The following DEPDC1B variants were observed in gnomAD, a reference collection of about 807,000 sequenced individuals.
DEPDC1B encodes the protein DEP domain containing 1B.
DEPDC1B carries 51 observed loss-of-function variants against 66.5 expected under a neutral mutation model. The observed-to-expected ratio is 0.77, with a 90% confidence interval of 0.61 to 0.97. The LOEUF is 0.97. Among genes scored for constraint, DEPDC1B ranks in the 50% least tolerant of loss-of-function variants. The pLI is 0.00. For missense variants in DEPDC1B, 552 were observed against 637.1 expected, an observed-to-expected ratio of 0.87 and a Z score of 1.44; for synonymous variants, 226 against 223.6, an observed-to-expected ratio of 1.01 and a Z score of -0.10.
At chr5:60,612,303 G>A (rs530078173) in intron 7 of DEPDC1B, among the ~76,000 whole-genome samples, 130 of 151,576 alleles carry the variant, frequency 8.6e-4, no homozygotes, top group African/African-American at 3.0e-3. Flanking sequence ...TGTGCCTGTC[G>A]TCCCAGCTAT....
At position 60,687,209 on chromosome 5, in the gene DEPDC1B, G is replaced by C. The variant is rs150157179; in HGVS notation, c.67C>G (p.Leu23Val). 956 of 1,611,512 alleles carry C rather than the reference G, an allele frequency of 5.9e-4. No individual in the cohort carries two copies. Among genetic ancestry groups the C allele is most frequent in the Non-Finnish European group, 7.7e-4 (907 of 1,177,828 alleles). The change falls in exon 2 of 11, where the codon CTT (leucine) becomes GTT (valine). Residue 23 changes from leucine (L) to valine (V), a missense_variant. Leu to Val is a conservative substitution (Grantham distance 32, BLOSUM62 1). Coordinates refer to ENST00000265036, the MANE Select transcript of DEPDC1B (RefSeq NM_018369.3). ...CGTAACGGCATCTTAGCACGAAAAAGCTCCACGGTCTCATTCCACTAGGGG... is the reference window on the plus strand; with the variant it reads ...CGTAACGGCATCTTAGCACGAAAAACCTCCACGGTCTCATTCCACTAGGGG... ...ATRLWNETVE[L>V]FRAKMPLRKH...
intron 7 of DEPDC1B, among the ~76,000 whole-genome samples, chr5:60,635,756 G>A (rs548300625): frequency 4.6e-5 from 7 of 152,058 alleles, no homozygotes; most frequent in African/African-American, 1.7e-4. Context: ...TCAAGCCCAG[G>A]GCTGCCAGAT....
At chr5:60,672,943 A>G (rs1307746460) in intron 2 of DEPDC1B, among the ~76,000 whole-genome samples, 1 of 152,204 alleles carries the variant, frequency 6.6e-6, no homozygotes, top group Non-Finnish European at 1.5e-5. Flanking sequence ...ACTCCTTCAC[A>G]GTAAGAAAGG....
At chr5:60,637,387 C>G (rs1753067802) in intron 7 of DEPDC1B, among the ~76,000 whole-genome samples, 3 of 152,160 alleles carry the variant, frequency 2.0e-5, no homozygotes, top group Admixed American at 6.5e-5. Context: ...ATGTAAGATG[C>G]CTGCTCCCGT....
At chr5:60,634,675 AAAATAAAT>A (rs57970296) in intron 7 of DEPDC1B, among the ~76,000 whole-genome samples, 2 of 146,456 alleles carry the variant, frequency 1.4e-5, no homozygotes, top group South Asian at 2.1e-4. Flanking sequence ...CTGTCTCAAA[AAAATAAAT>A]AAATAAATAA....
chr5:60,633,336 C>T (rs1475777173), intron 7 of DEPDC1B, among the ~76,000 whole-genome samples: 1 of 152,190 alleles, frequency 6.6e-6, no homozygotes, highest in Non-Finnish European at 1.5e-5. Flanking sequence ...ACTCTGGTGA[C>T]TTCCTCTGGC....
intron 8 of DEPDC1B, among the ~76,000 whole-genome samples, chr5:60,604,215 A>ATTTTTTTTTTT (rs1323826916): frequency 0.013 from 745 of 59,386 alleles, 4 homozygotes; most frequent in Non-Finnish European, 0.023. Flanking sequence ...GAAATTAACT[A>ATTTTTTTTTTT]TTCTTTTTTT....
chr5:60,601,240 A>G (rs1321575187), intron 9 of DEPDC1B, among the ~76,000 whole-genome samples: 1 of 152,202 alleles, frequency 6.6e-6, no homozygotes, highest in Non-Finnish European at 1.5e-5. Context: ...CCTTGCAGAA[A>G]CTTGGTGAAG....
At chr5:60,677,535 T>C (rs1280138504) in intron 2 of DEPDC1B, among the ~76,000 whole-genome samples, 1 of 152,078 alleles carries the variant, frequency 6.6e-6, no homozygotes, top group Non-Finnish European at 1.5e-5. Context: ...TTTTTCTTTT[T>C]TATTTTTTCT....
intron 1 of DEPDC1B, among the ~76,000 whole-genome samples, chr5:60,696,425 G>C (rs902723901): frequency 1.3e-5 from 2 of 152,018 alleles, no homozygotes; most frequent in African/African-American, 4.8e-5. Context: ...AAATACTTTA[G>C]ATTTTTTAAA....
chr5:60,700,078 C>T lies in DEPDC1B; in HGVS notation c.16G>A (p.Val6Met), dbSNP rs767068710. 4 of 1,557,346 alleles carry T rather than the reference C, an allele frequency of 2.6e-6. No individual in the cohort carries two copies. In the South Asian group the frequency reaches 3.5e-5, roughly 14 times the overall value. The stretch of plus-strand genomic sequence containing the variant: ...GTAGCTCGGTACGGCCCGGGCCCCA[C>T]GATGCGATGCTCCATGGCGCGTAGG... MEHRIVGPGPYRATRL... is the reference protein window; with the variant it reads MEHRIMGPGPYRATRL... Residue 6 changes from valine (V) to methionine (M), a missense_variant, in exon 1 of 11, where the codon GTG becomes ATG. Physicochemically the swap from Val to Met is conservative, Grantham distance 21. Coordinates refer to ENST00000265036, the MANE Select transcript of DEPDC1B (RefSeq NM_018369.3).
At chr5:60,644,685 T>G (rs1396015562) in intron 5 of DEPDC1B, 60 bp downstream of exon 5, 3 of 1,436,102 alleles carry the variant, frequency 2.1e-6, no homozygotes, top group Admixed American at 2.3e-5. Flanking sequence ...AAGGAGCTGA[T>G]GGACCTGTGC....
chr5:60,633,178 T>C (rs758932364), intron 7 of DEPDC1B, among the ~76,000 whole-genome samples: 12 of 152,214 alleles, frequency 7.9e-5, no homozygotes, highest in Non-Finnish European at 1.6e-4. Context: ...AGGACTGGAA[T>C]CCATGTCTGC....
intron 1 of DEPDC1B, among the ~76,000 whole-genome samples, chr5:60,689,606 T>C (rs1229298810): frequency 6.6e-6 from 1 of 152,190 alleles, no homozygotes; most frequent in African/African-American, 2.4e-5. Context: ...CTCATCTCCA[T>C]ATTGTTTTAA....
intron 5 of DEPDC1B, among the ~76,000 whole-genome samples, chr5:60,644,064 G>A (rs537852187): frequency 3.3e-5 from 5 of 152,204 alleles, no homozygotes; most frequent in Non-Finnish European, 5.9e-5. Flanking sequence ...TCCCAGCATC[G>A]AGGGTTTGAA....
intron 6 of DEPDC1B, 76 bp from the exon 7 acceptor site, chr5:60,638,966 G>C: frequency 3.3e-6 from 5 of 1,524,532 alleles, no homozygotes; most frequent in Non-Finnish European, 4.4e-6. Flanking sequence ...GTGAATATGT[G>C]TGGCGTGTAC....
chr5:60,597,359 A>C lies in DEPDC1B; in HGVS notation c.*394T>G, dbSNP rs1289346647. ...CAGTGTCTTTCTTATTCAAGTATAC[A>C]CGCTATTTTTAAGACTTAAAATTAA... On this transcript the variant is annotated 3_prime_UTR_variant, in exon 11 of 11. Transcript: ENST00000265036. 1 of 165,556 alleles carries C rather than the reference A, an allele frequency of 6.0e-6. No homozygotes were observed. The highest frequency in any genetic ancestry group is 2.4e-5 in the African/African-American group (1 of 41,514). 10.3% of individuals were successfully genotyped at this position (165,556 alleles called of 1,614,324 possible).
chr5:60,699,942 C>T, intron 1 of DEPDC1B, 104 bp downstream of exon 1: 4 of 1,378,694 alleles, frequency 2.9e-6, no homozygotes, highest in Non-Finnish European at 3.0e-6. Context: ...ACACCCGAGC[C>T]CCGCTGGCCT....
In DEPDC1B at chr5:60,687,385, A is replaced by C. The variant is rs536327177; in HGVS notation, c.49-158T>G. On this transcript the variant is annotated intron_variant, in intron 1 of 10. Coordinates refer to ENST00000265036, the MANE Select transcript of DEPDC1B (RefSeq NM_018369.3). The stretch of plus-strand genomic sequence containing the variant: ...GTTTTATTTACAGGCTTCAAACTCT[A>C]ATAAAGAAAAGTTTGGCAGAATGGA... Among the ~76,000 whole-genome samples, 3 of 152,292 alleles carry C rather than the reference A, an allele frequency of 2.0e-5. No homozygotes were observed. The South Asian group carries it at 6.2e-4, about 32-fold the overall frequency.
Sources: gnomAD v4.1 joint callset for allele counts (sites outside exome capture counted in the v4.1 genomes callset) on GRCh38, gnomAD v4.1.1 for gene constraint, MANE v1.5 for transcripts, NCBI Gene and HGNC (gene_info 2026-07-23, HGNC 2026-07-21) for gene names.